ATP7B: variants seen among roughly 807,000 people sequenced by gnomAD.
ATP7B encodes the protein ATPase copper transporting beta, also known as copper-transporting ATPase 2.
A neutral mutation model predicts 118.9 loss-of-function variants in ATP7B; 113 were observed. The observed-to-expected ratio is 0.95, with a 90% CI of 0.82 to 1.11. ATP7B has a LOEUF of 1.11. ATP7B is among the 50% of genes most tolerant of loss of function. The pLI is 0.00. For synonymous variants in ATP7B, 777 were observed against 727.4 expected, an observed-to-expected ratio of 1.07 and a Z score of -1.10; for missense variants, 1,867 against 1,871.4, an observed-to-expected ratio of 1.00 and a Z score of 0.04.
intron 9 of ATP7B, among the ~76,000 whole-genome samples, chr13:51,953,164 C>T (rs1958115592): frequency 6.6e-6 from 1 of 152,192 alleles, no homozygotes; most frequent in Admixed American, 6.5e-5. Context: ...CAAGAATATT[C>T]TCTGCTTAAT....
chr13:51,958,223 A>T, intron 8 of ATP7B, 88 bp downstream of exon 8: 1 of 1,416,668 alleles, frequency 7.1e-7, no homozygotes, highest in Non-Finnish European at 9.9e-7. Flanking sequence ...TGCTGTGTAT[A>T]ATTAGTAATT....
At chr13:51,948,552 T>C (rs1001747311) in intron 12 of ATP7B, among the ~76,000 whole-genome samples, 1 of 152,212 alleles carries the variant, frequency 6.6e-6, no homozygotes, top group Non-Finnish European at 1.5e-5. Context: ...AAGTACATTA[T>C]CAAGGTTTCA....
At chr13:51,966,921 G>C in intron 4 of ATP7B, 1 of 1,613,238 alleles carries the variant, frequency 6.2e-7, no homozygotes, top group Non-Finnish European at 8.5e-7. Context: ...AGAGCACTTT[G>C]AAAACAACAC....
At chr13:51,995,070 T>C (rs1481710577) in intron 1 of ATP7B, among the ~76,000 whole-genome samples, 1 of 152,230 alleles carries the variant, frequency 6.6e-6, no homozygotes, top group African/African-American at 2.4e-5. Context: ...ACTTGCATTG[T>C]GGAAAACTTT....
Position 51,941,192 on chromosome 13 carries a change from C to G in ATP7B, c.3445G>C (p.Gly1149Arg), listed in dbSNP as rs1957309469. Residue 1149 changes from glycine (G) to arginine (R), a missense_variant, in exon 16 of 21, where the codon GGA (glycine) becomes CGA (arginine). Coordinates refer to ENST00000242839, the MANE Select transcript of ATP7B (RefSeq NM_000053.4). ...AVPQTFSVLI[G>R]NREWLRRNGL... is the part of the protein sequence containing the mutation. Reference sequence around the variant, plus strand: ...TTGCGCCTCAGCCACTCACGGTTTCCAATCAGCACAGAGAAGGTCTGGGGG... The same window carrying G: ...TTGCGCCTCAGCCACTCACGGTTTCGAATCAGCACAGAGAAGGTCTGGGGG... 1 of 1,614,122 alleles carries G rather than the reference C, an allele frequency of 6.2e-7. No homozygotes were observed. Among genetic ancestry groups the G allele is most frequent in the Non-Finnish European group, 8.5e-7 (1 of 1,180,026 alleles).
intron 1 of ATP7B, among the ~76,000 whole-genome samples, chr13:51,991,566 G>A (rs1433576214): frequency 6.6e-6 from 1 of 152,110 alleles, no homozygotes; most frequent in Non-Finnish European, 1.5e-5. Flanking sequence ...GAGTAAGGAG[G>A]CTTAAGCAGT....
chr13:51,944,728 G>A (rs1026153552), intron 13 of ATP7B, among the ~76,000 whole-genome samples: 9 of 152,164 alleles, frequency 5.9e-5, no homozygotes, highest in African/African-American at 2.2e-4. Context: ...TGGGAATAGA[G>A]TCCTCACACT....
chr13:51,952,764 C>T (rs1958088968), intron 9 of ATP7B, among the ~76,000 whole-genome samples: 1 of 152,200 alleles, frequency 6.6e-6, no homozygotes, highest in Non-Finnish European at 1.5e-5. Context: ...GGATTCAAGG[C>T]TTGTGTGGCT....
intron 14 of ATP7B, among the ~76,000 whole-genome samples, chr13:51,943,836 T>G (rs781396524): frequency 7.9e-5 from 12 of 152,028 alleles, no homozygotes; most frequent in African/African-American, 2.7e-4. Flanking sequence ...TCCCAAAGGG[T>G]AGAGTTCATA....
At chr13:51,957,637 G>A in intron 8 of ATP7B, 30 bp from the exon 9 acceptor site, 3 of 1,601,340 alleles carry the variant, frequency 1.9e-6, no homozygotes, top group Non-Finnish European at 2.6e-6. Context: ...TGAAATGAGA[G>A]CTATCGAAAG....
rs751956663 is a variant in ATP7B, at chr13:51,975,063, G to C, written c.157C>G (p.Pro53Ala). Residue 53 changes from proline (P) to alanine (A), a missense_variant, in exon 2 of 21, where the codon CCT becomes GCT. Pro to Ala is a conservative substitution (Grantham distance 27, BLOSUM62 -1). Transcript: ENST00000242839. ...GTGCTGGTGGCCACCTGAGAAGAAG[G>C]GCCCAGGCCATCCAGACCACCTTCA... ...GYEGGLDGLGPSSQVATSTVR... is the reference protein window; with the variant it reads ...GYEGGLDGLGASSQVATSTVR... 1.2e-6 allele frequency: 2 copies of C among 1,614,182 alleles called. No individual in the cohort carries two copies. The highest frequency in any genetic ancestry group is 1.7e-5 in the Admixed American group (1 of 60,024).
chr13:51,962,382 A>G (rs4943049), intron 5 of ATP7B, among the ~76,000 whole-genome samples: 5,353 of 152,206 alleles, frequency 0.035, 203 homozygotes, highest in Admixed American at 0.12. Flanking sequence ...CACAGCTTCC[A>G]CTGTGCCCCA....
Position 51,968,702 on chromosome 13 carries a change from A to G in ATP7B, c.1544-95T>C. The G allele has an allele frequency of 4.9e-6, 7 of 1,428,304 alleles. 1 individual carries two copies. The South Asian group carries it at 5.9e-5, about 12-fold the overall frequency. 88.5% of individuals were successfully genotyped at this position (1,428,304 alleles called of 1,614,324 possible). A position where few individuals can be genotyped will look rare whatever the true frequency, so the allele number is the denominator to read the frequency against. On this transcript the variant is annotated intron_variant, in intron 3 of 20. Transcript: ENST00000242839. Reference sequence around the variant, plus strand: ...ACCGAACAAAGAAACACATCTTCCCAGAATCCTCTAGAACAGCAGTTTTCA... The same window carrying G: ...ACCGAACAAAGAAACACATCTTCCCGGAATCCTCTAGAACAGCAGTTTTCA...
chr13:51,990,124 AAT>A (rs1254861109), intron 1 of ATP7B, among the ~76,000 whole-genome samples: 1 of 151,818 alleles, frequency 6.6e-6, no homozygotes, highest in African/African-American at 2.4e-5. Flanking sequence ...ACATTAATAA[AAT>A]AAATGTTATT....
chr13:51,986,663 T>C (rs1952664371), intron 1 of ATP7B, among the ~76,000 whole-genome samples: 1 of 152,192 alleles, frequency 6.6e-6, no homozygotes, highest in African/African-American at 2.4e-5. Context: ...GCAAAAATTC[T>C]CAATAAAATA....
chr13:51,973,309 G>C (rs923153332), intron 2 of ATP7B, among the ~76,000 whole-genome samples: 1 of 152,180 alleles, frequency 6.6e-6, no homozygotes, highest in Non-Finnish European at 1.5e-5. Flanking sequence ...CAAATCCAAG[G>C]AGGTTCGCAT....
rs1399067288 is a variant in ATP7B at position 51,975,053 on chromosome 13, T to C, written c.167A>G (p.Gln56Arg). 6.2e-7 allele frequency: 1 copy of C among 1,614,224 alleles called. No individual in the cohort carries two copies. Among genetic ancestry groups the C allele is most frequent in the Non-Finnish European group, 8.5e-7 (1 of 1,180,034 alleles). ...GGLDGLGPSS[Q>R]VATSTVRILG... ...GATCCTGACTGTGCTGGTGGCCACC[T>C]GAGAAGAAGGGCCCAGGCCATCCAG... Residue 56 changes from glutamine to arginine, a missense_variant, in exon 2 of 21, where the codon CAG (glutamine) becomes CGG (arginine). By Grantham distance (43) the Gln-to-Arg change is conservative. Transcript: ENST00000242839.
At chr13:51,996,547 T>C (rs150516078) in intron 1 of ATP7B, among the ~76,000 whole-genome samples, 15 of 152,328 alleles carry the variant, frequency 9.8e-5, no homozygotes, top group African/African-American at 3.4e-4. Context: ...GTGTTATTCT[T>C]CACAGCAGAA....
chr13:52,008,031 G>A (rs1453802326), intron 1 of ATP7B, among the ~76,000 whole-genome samples: 1 of 151,668 alleles, frequency 6.6e-6, no homozygotes. Context: ...CTCTATTTGT[G>A]ATCCACTGCA....
Sources: gnomAD v4.1 joint callset for allele counts (sites outside exome capture counted in the v4.1 genomes callset) on GRCh38, gnomAD v4.1.1 for gene constraint, MANE v1.5 for transcripts, NCBI Gene and HGNC (gene_info 2026-07-23, HGNC 2026-07-21) for gene names.